Variants in KCNIP4 observed in about 807,000 individuals in gnomAD.
KCNIP4 encodes the protein Kv channel-interacting protein 4.
A neutral mutation model predicts 34.0 loss-of-function variants in KCNIP4; 12 were observed. The ratio of observed to expected loss-of-function variants is 0.35; its 90% CI spans 0.23 to 0.57. KCNIP4 has a LOEUF of 0.57. KCNIP4 is among the 20% of genes least tolerant of loss of function. KCNIP4 has a pLI of 0.83. For missense variants in KCNIP4, 238 were observed against 311.7 expected (o/e 0.76, Z 1.78); for synonymous variants, 124 against 102.2 (o/e 1.21, Z -1.29).
At chr4:21,657,432 T>A (rs1748053232) in intron 1 of KCNIP4, among the ~76,000 whole-genome samples, 1 of 152,302 alleles carries the variant, frequency 6.6e-6, no homozygotes, top group South Asian at 2.1e-4. Context: ...TAATTCTCAT[T>A]TCCTCATCTC....
intron 1 of KCNIP4, among the ~76,000 whole-genome samples, chr4:21,111,874 A>G (rs2109104672): frequency 6.6e-6 from 1 of 152,342 alleles, no homozygotes; most frequent in Non-Finnish European, 1.5e-5. Context: ...CTGGCACTAC[A>G]TAAGCTGCAT....
intron 1 of KCNIP4, among the ~76,000 whole-genome samples, chr4:21,545,441 T>G (rs892154817): frequency 5.9e-5 from 9 of 152,144 alleles, no homozygotes; most frequent in Non-Finnish European, 8.8e-5. Context: ...AACGTGCAGT[T>G]TTATTACATG....
chr4:21,665,333 C>T (rs552316327), intron 1 of KCNIP4, among the ~76,000 whole-genome samples: 5 of 151,950 alleles, frequency 3.3e-5, no homozygotes, highest in South Asian at 4.2e-4. Context: ...ATTTAGAGGT[C>T]GTGGGCAGAG....
chr4:20,862,834 T>A (rs1393585081), intron 2 of KCNIP4, among the ~76,000 whole-genome samples: 2 of 152,146 alleles, frequency 1.3e-5, no homozygotes, highest in African/African-American at 4.8e-5. Flanking sequence ...TGGATGGAGC[T>A]GGAGGCCATT....
intron 1 of KCNIP4, among the ~76,000 whole-genome samples, chr4:21,892,165 T>C (rs1291936841): frequency 6.6e-6 from 1 of 151,892 alleles, no homozygotes; most frequent in Non-Finnish European, 1.5e-5. Flanking sequence ...CTAGAATAAA[T>C]AAAATAATTG....
intron 1 of KCNIP4, among the ~76,000 whole-genome samples, chr4:20,902,968 A>G (rs1396523710): frequency 6.6e-6 from 1 of 152,230 alleles, no homozygotes; most frequent in Non-Finnish European, 1.5e-5. Context: ...TTACATAGAG[A>G]TGACTTATTT....
chr4:21,337,057 T>G (rs902430494), intron 1 of KCNIP4, among the ~76,000 whole-genome samples: 2 of 150,790 alleles, frequency 1.3e-5, no homozygotes, highest in Non-Finnish European at 2.9e-5. Context: ...GCATGGCAGG[T>G]GGGGTCGTAA....
intron 1 of KCNIP4, among the ~76,000 whole-genome samples, chr4:21,454,849 A>G (rs1352377378): frequency 6.6e-6 from 1 of 152,110 alleles, no homozygotes; most frequent in Non-Finnish European, 1.5e-5. Context: ...TTTAAGCTTT[A>G]AAATGCAACT....
intron 1 of KCNIP4, among the ~76,000 whole-genome samples, chr4:21,356,422 G>A (rs201347902): frequency 2.6e-5 from 4 of 152,092 alleles, no homozygotes; most frequent in Admixed American, 6.6e-5. Flanking sequence ...AAACCCCATC[G>A]TCTCAGCCCA....
chr4:20,994,410 G>T (rs1360652714), intron 1 of KCNIP4, among the ~76,000 whole-genome samples: 1 of 152,132 alleles, frequency 6.6e-6, no homozygotes, highest in Non-Finnish European at 1.5e-5. Context: ...TACAGAAAAA[G>T]AACTTTGTCT....
chr4:21,859,645 A>T (rs1190689374), intron 1 of KCNIP4, among the ~76,000 whole-genome samples: 1 of 151,682 alleles, frequency 6.6e-6, no homozygotes, highest in Non-Finnish European at 1.5e-5. Flanking sequence ...AAAAAGGAAT[A>T]GTGCTCTCAT....
intron 3 of KCNIP4, among the ~76,000 whole-genome samples, chr4:20,788,610 T>TATAA (rs1378666219): frequency 1.3e-5 from 2 of 152,106 alleles, no homozygotes; most frequent in Non-Finnish European, 2.9e-5. Flanking sequence ...AATAAATGGT[T>TATAA]ATAAATAGTC....
chr4:21,697,404 T>C, intron 1 of KCNIP4: 1 of 1,564,842 alleles, frequency 6.4e-7, no homozygotes, highest in Non-Finnish European at 8.6e-7. Context: ...AATTTCAGTA[T>C]TTCACGTTTA....
At chr4:21,794,853 G>A (rs949103414) in intron 1 of KCNIP4, among the ~76,000 whole-genome samples, 8 of 152,046 alleles carry the variant, frequency 5.3e-5, no homozygotes, top group Non-Finnish European at 8.8e-5. Context: ...CACTCCAGCA[G>A]GGGCAACAGA....
At chr4:21,142,661 C>T (rs1752060581) in intron 1 of KCNIP4, among the ~76,000 whole-genome samples, 1 of 152,134 alleles carries the variant, frequency 6.6e-6, no homozygotes. Context: ...CCGCCCTTGC[C>T]TTCCTGCCAG....
chr4:21,879,389 C>T (rs1726331626), intron 1 of KCNIP4, among the ~76,000 whole-genome samples: 2 of 152,180 alleles, frequency 1.3e-5, no homozygotes, highest in Admixed American at 6.5e-5. Context: ...TGTCAGAGGC[C>T]GCGGACCTGT....
intron 1 of KCNIP4, among the ~76,000 whole-genome samples, chr4:21,802,157 G>A (rs1363045599): frequency 6.6e-6 from 1 of 151,988 alleles, no homozygotes; most frequent in East Asian, 1.9e-4. Flanking sequence ...CAAAACCACA[G>A]TATTTGACCA....
chr4:21,063,134 A>T (rs2108976897), intron 1 of KCNIP4, among the ~76,000 whole-genome samples: 1 of 152,242 alleles, frequency 6.6e-6, no homozygotes, highest in South Asian at 2.1e-4. Context: ...GATGCTAGGG[A>T]GAGGCAGGGA....
At chr4:20,786,033 G>T (rs1208497924) in intron 3 of KCNIP4, among the ~76,000 whole-genome samples, 1 of 152,150 alleles carries the variant, frequency 6.6e-6, no homozygotes, top group East Asian at 1.9e-4. Context: ...CAATAGCAAA[G>T]ACGTGGAATC....
Sources: gnomAD v4.1 joint callset for allele counts (sites outside exome capture counted in the v4.1 genomes callset) on GRCh38, gnomAD v4.1.1 for gene constraint, MANE v1.5 for transcripts, NCBI Gene and HGNC (gene_info 2026-07-23, HGNC 2026-07-21) for gene names.